HPCAL1: variants seen among roughly 807,000 people sequenced by gnomAD.
The protein encoded by HPCAL1 is hippocalcin like 1.
Under a neutral mutation model 17.1 loss-of-function variants are expected in HPCAL1, and 8 were observed. The ratio of observed to expected loss-of-function variants is 0.47; its 90% CI spans 0.27 to 0.84. The LOEUF is 0.84. Among genes scored for constraint, HPCAL1 ranks in the 40% least tolerant of loss-of-function variants. HPCAL1 has a pLI of 0.13. For synonymous variants in HPCAL1, 112 were observed against 111.4 expected (o/e 1.01, Z -0.03); for missense variants, 165 against 271.1 (o/e 0.61, Z 2.75).
At position 10,427,202 on chromosome 2, in the gene HPCAL1, A is replaced by G. The variant is rs535911972; in HGVS notation, c.*381A>G. ...TTGTGATCCCAAGTGACTCTGTGGG[A>G]AGGGTGGGGACGAGGCGTCGGGAGG... On this transcript the variant is annotated 3_prime_UTR_variant, in exon 5 of 5. Coordinates refer to ENST00000307845, the MANE Select transcript of HPCAL1 (RefSeq NM_002149.4). The G allele has an allele frequency of 4.5e-6, 1 of 222,230 alleles. No homozygotes were observed. The highest frequency in any genetic ancestry group is 1.2e-4 in the East Asian group (1 of 8,154). 13.8% of individuals were successfully genotyped at this position (222,230 alleles called of 1,614,324 possible). A position where few individuals can be genotyped will look rare whatever the true frequency, so the allele number is the denominator to read the frequency against.
At chr2:10,416,774 C>A (rs534006869) in intron 2 of HPCAL1, among the ~76,000 whole-genome samples, 24 of 151,144 alleles carry the variant, frequency 1.6e-4, no homozygotes, top group Non-Finnish European at 2.8e-4. Flanking sequence ...CTAAAGTGAA[C>A]TAGCTGCATG....
At chr2:10,408,754 G>A (rs1342220160) in intron 2 of HPCAL1, 2 of 152,140 alleles carry the variant, frequency 1.3e-5, no homozygotes, top group African/African-American at 4.8e-5. Context: ...AAATACAAAC[G>A]CCATGATCTT....
intron 1 of HPCAL1, among the ~76,000 whole-genome samples, chr2:10,333,685 T>C (rs2058624): frequency 1 from 152,339 of 152,344 alleles, 76,167 homozygotes; most frequent in Middle Eastern, 1. Flanking sequence ...TATGTCTCTT[T>C]GGTAAGACTG....
chr2:10,375,182 T>C (rs1667477174), intron 1 of HPCAL1, among the ~76,000 whole-genome samples: 1 of 152,278 alleles, frequency 6.6e-6, no homozygotes, highest in South Asian at 2.1e-4. Flanking sequence ...CAGTGTGCCC[T>C]GCCCCAGCAG....
chr2:10,401,572 T>C (rs183858656), intron 2 of HPCAL1, among the ~76,000 whole-genome samples: 1 of 152,152 alleles, frequency 6.6e-6, no homozygotes, highest in Non-Finnish European at 1.5e-5. Flanking sequence ...TGCAGAGGAT[T>C]TGGAAGTTGT....
rs541928506 is a variant in HPCAL1, at chr2:10,304,843, A to G, written c.-111+1666A>G. Among the ~76,000 whole-genome samples, 2 of 152,288 alleles carry G rather than the reference A, an allele frequency of 1.3e-5. No individual in the cohort carries two copies. The highest frequency in any genetic ancestry group is 2.9e-5 in the Non-Finnish European group (2 of 68,024). On this transcript the variant is annotated intron_variant, in intron 1 of 4. Coordinates refer to ENST00000307845, the MANE Select transcript of HPCAL1 (RefSeq NM_002149.4). The surrounding 1 kb of genome is among the most constrained non-coding windows in gnomAD (Gnocchi z 4.1). ...ATCTCACCAGTGCAGGAGGCTCTCA[A>G]AATGGAGCGCCGGCATGGGGTTGGG...
intron 4 of HPCAL1, chr2:10,426,404 C>T (rs753873100): frequency 7.1e-6 from 2 of 280,482 alleles, no homozygotes; most frequent in Non-Finnish European, 1.4e-5. Context: ...TTTTTCTGCA[C>T]AGTGTACACG....
At chr2:10,389,397 G>A (rs535317348) in intron 1 of HPCAL1, among the ~76,000 whole-genome samples, 20 of 152,238 alleles carry the variant, frequency 1.3e-4, no homozygotes, top group South Asian at 6.2e-4. Context: ...TAATACCACC[G>A]GCTCACCCTT....
At chr2:10,358,819 C>T (rs1318230452) in intron 1 of HPCAL1, among the ~76,000 whole-genome samples, 1 of 152,156 alleles carries the variant, frequency 6.6e-6, no homozygotes, top group Admixed American at 6.6e-5. Context: ...GTGTGATCTT[C>T]TGGTACACCA....
At chr2:10,382,983 G>C (rs2125542241) in intron 1 of HPCAL1, among the ~76,000 whole-genome samples, 1 of 152,328 alleles carries the variant, frequency 6.6e-6, no homozygotes. Context: ...CAGGGCAGTG[G>C]TGTGCGGGAC....
At chr2:10,356,110 T>C (rs1279129474) in intron 1 of HPCAL1, among the ~76,000 whole-genome samples, 1 of 152,178 alleles carries the variant, frequency 6.6e-6, no homozygotes, top group Non-Finnish European at 1.5e-5. Flanking sequence ...ATTCATTTAC[T>C]CTTCTGAGTC....
intron 2 of HPCAL1, among the ~76,000 whole-genome samples, chr2:10,402,254 G>A (rs564989976): frequency 4.6e-5 from 7 of 152,264 alleles, no homozygotes; most frequent in African/African-American, 1.2e-4. Context: ...TTGCTTTCCC[G>A]ACCAGACTGG....
chr2:10,403,730 ACCTCAC>A (rs977568627), intron 2 of HPCAL1, among the ~76,000 whole-genome samples: 3 of 151,726 alleles, frequency 2.0e-5, no homozygotes, highest in African/African-American at 7.3e-5. Flanking sequence ...TGATCCGCCC[ACCTCAC>A]CCTCCCAAAG....
intron 1 of HPCAL1, among the ~76,000 whole-genome samples, chr2:10,370,282 CG>C (rs1667127644): frequency 6.6e-6 from 1 of 152,220 alleles, no homozygotes; most frequent in South Asian, 2.1e-4. Context: ...GTGTATGTTG[CG>C]GGGGCACAGA....
intron 1 of HPCAL1, among the ~76,000 whole-genome samples, chr2:10,350,570 C>T (rs915682458): frequency 6.6e-6 from 1 of 152,114 alleles, no homozygotes; most frequent in Non-Finnish European, 1.5e-5. Flanking sequence ...CCTCAGCCTC[C>T]CAAGTGCTAG....
intron 1 of HPCAL1, among the ~76,000 whole-genome samples, chr2:10,391,611 C>T (rs564782820): frequency 4.6e-5 from 7 of 152,268 alleles, no homozygotes; most frequent in African/African-American, 1.4e-4. Flanking sequence ...ACCTGCTAGC[C>T]CCTCTTTCCC....
At chr2:10,399,233 C>CGCCGCCGCT (rs765808869) in intron 2 of HPCAL1, among the ~76,000 whole-genome samples, 1 of 66,380 alleles carries the variant, frequency 1.5e-5, no homozygotes, top group South Asian at 6.2e-4. Context: ...CCACCACCAC[C>CGCCGCCGCT]ACCACCATCA....
At position 10,419,632 on chromosome 2, in the gene HPCAL1, C is replaced by A; in HGVS notation, c.-24-102C>A. 8.5e-7 allele frequency: 1 copy of A among 1,171,704 alleles called. No individual in the cohort carries two copies. Among genetic ancestry groups the A allele is most frequent in the Non-Finnish European group, 1.2e-6 (1 of 854,092 alleles). 72.6% of individuals were successfully genotyped at this position (1,171,704 alleles called of 1,614,324 possible). Reference sequence around the variant, plus strand: ...GGGGGACCCGGGAGTTGCTGAGTCGCAGCGCTTGCACAGCGATGGGCTTAT... The same window carrying A: ...GGGGGACCCGGGAGTTGCTGAGTCGAAGCGCTTGCACAGCGATGGGCTTAT... On this transcript the variant is annotated intron_variant, in intron 2 of 4. Coordinates refer to ENST00000307845, the MANE Select transcript of HPCAL1 (RefSeq NM_002149.4). This position sits in a 1 kb window ranked among gnomAD's most constrained non-coding sequence, Gnocchi z 5.0.
chr2:10,399,426 A>G (rs1176346061), intron 2 of HPCAL1, among the ~76,000 whole-genome samples: 1 of 97,640 alleles, frequency 1.0e-5, no homozygotes, highest in Non-Finnish European at 2.2e-5. Context: ...CACCACCATC[A>G]CCACCACCAC....
Sources: gnomAD v4.1 joint callset for allele counts (sites outside exome capture counted in the v4.1 genomes callset) on GRCh38, gnomAD v4.1.1 for gene constraint, Gnocchi (gnomAD v3.1) non-coding constraint, MANE v1.5 for transcripts, NCBI Gene and HGNC (gene_info 2026-07-23, HGNC 2026-07-21) for gene names.